The following SIRT3 variants were observed in gnomAD, a reference collection of about 807,000 sequenced individuals.
The protein encoded by SIRT3 is sirtuin 3.
Under a neutral mutation model 33.5 loss-of-function variants are expected in SIRT3, and 26 were observed. That is an observed-to-expected ratio of 0.78 (90% CI 0.57 to 1.08). The LOEUF (loss-of-function observed/expected upper bound fraction) is 1.08. Among genes scored for constraint, SIRT3 ranks in the 50% least tolerant of loss-of-function variants. SIRT3 has a pLI of 0.00. For missense variants in SIRT3, 585 were observed against 530.1 expected (o/e 1.10, Z -1.02); for synonymous variants, 237 against 222.1 (o/e 1.07, Z -0.60).
intron 3 of SIRT3, 110 bp downstream of exon 3, chr11:232,873 G>C (rs1333035901): frequency 9.6e-7 from 1 of 1,038,152 alleles, no homozygotes; most frequent in Non-Finnish European, 1.4e-6. Flanking sequence ...CCCAGAAACA[G>C]GCACCCGAGC....
chr11:222,128 T>G (rs1233063345), intron 5 of SIRT3, among the ~76,000 whole-genome samples: 1 of 152,210 alleles, frequency 6.6e-6, no homozygotes, highest in Non-Finnish European at 1.5e-5. Context: ...CAGCCCACAC[T>G]GTGCTGACCA....
Position 224,006 on chromosome 11 carries a change from CAT to C in SIRT3, c.969+70_969+71del, listed in dbSNP as rs1268113652. The C allele has an allele frequency of 3.3e-5, 30 of 896,248 alleles. 1 individual carries two copies. Among genetic ancestry groups the C allele is most frequent in the Non-Finnish European group, 3.5e-5 (20 of 566,014 alleles). The allele number at this position is 896,248 out of a possible 1,614,324, so 55.5% of individuals were successfully genotyped here. ...TCCCTGCACAGGCCTGCCGACAGCC[CAT>C]GAGATGACTCCTGTACCCCTCCCTT... On this transcript the variant is annotated intron_variant, in intron 5 of 6. Transcript: ENST00000382743.
chr11:229,126 A>G (rs1412788505), intron 4 of SIRT3, among the ~76,000 whole-genome samples: 1 of 152,260 alleles, frequency 6.6e-6, no homozygotes, highest in Non-Finnish European at 1.5e-5. Context: ...AAAATGGTCC[A>G]GCTTCTGCAG....
intron 4 of SIRT3, among the ~76,000 whole-genome samples, chr11:227,794 TG>T (rs1328662754): frequency 1.3e-5 from 2 of 152,082 alleles, no homozygotes; most frequent in Non-Finnish European, 2.9e-5. Flanking sequence ...GGCTAATTTT[TG>T]TATTTTTAGT....
chr11:234,249 T>C (rs513161), intron 1 of SIRT3, among the ~76,000 whole-genome samples: 22,624 of 152,164 alleles, frequency 0.15, 2,098 homozygotes, highest in East Asian at 0.43. Context: ...GGGGCAGGCA[T>C]GGGTGCAACC....
chr11:236,379 C>CGCCCGCGGCGCCCA (rs1374994688), upstream of SIRT3: 1 of 1,178,934 alleles, frequency 8.5e-7, no homozygotes. Flanking sequence ...CCCGGCGCCC[C>CGCCCGCGGCGCCCA]GGCCCCGCCT....
chr11:235,404 G>C (rs371241953), intron 1 of SIRT3, among the ~76,000 whole-genome samples: 14 of 152,008 alleles, frequency 9.2e-5, no homozygotes, highest in African/African-American at 2.9e-4. Flanking sequence ...TGGGGGTCTC[G>C]TTATGTTGCC....
In SIRT3 at chr11:216,492, C is replaced by T. The variant is rs893118314; in HGVS notation, c.*206G>A. On this transcript the variant is annotated 3_prime_UTR_variant, in exon 7 of 7. Coordinates refer to ENST00000382743, the MANE Select transcript of SIRT3 (RefSeq NM_012239.6). ...GCAGGCAGCTCCTTTGTATATGTGA[C>T]GGGGTGGCCCTGACTGTAAACACAG... 8.5e-6 allele frequency: 5 copies of T among 591,514 alleles called. No homozygotes were observed. The highest frequency in any genetic ancestry group is 3.0e-5 in the Admixed American group (1 of 33,064). 36.6% of individuals were successfully genotyped at this position (591,514 alleles called of 1,614,324 possible).
chr11:221,315 T>C (rs143296903), intron 5 of SIRT3, among the ~76,000 whole-genome samples: 1 of 152,368 alleles, frequency 6.6e-6, no homozygotes, highest in Non-Finnish European at 1.5e-5. Context: ...CTGACTATAC[T>C]GCCCAGGCTG....
chr11:219,974 TGATA>T (rs1856203788), intron 5 of SIRT3, among the ~76,000 whole-genome samples: 2 of 152,234 alleles, frequency 1.3e-5, no homozygotes, highest in Admixed American at 6.5e-5. Context: ...TATTGCTAAT[TGATA>T]AACTCATTTA....
intron 4 of SIRT3, among the ~76,000 whole-genome samples, chr11:224,604 T>C (rs1856902086): frequency 6.6e-6 from 1 of 152,146 alleles, no homozygotes; most frequent in Non-Finnish European, 1.5e-5. Flanking sequence ...CCTCAAACAG[T>C]AGTCTGCAGG....
intron 5 of SIRT3, among the ~76,000 whole-genome samples, chr11:220,279 G>T (rs1275608311): frequency 7.1e-6 from 1 of 140,946 alleles, no homozygotes; most frequent in African/African-American, 2.6e-5. Context: ...GCAGTGAGCC[G>T]AGATCGCGCC....
intron 4 of SIRT3, among the ~76,000 whole-genome samples, chr11:226,868 C>T (rs1275777683): frequency 6.6e-6 from 1 of 151,444 alleles, no homozygotes. Context: ...ATTCGCCTGC[C>T]TCAGCCTCCC....
intron 1 of SIRT3, among the ~76,000 whole-genome samples, chr11:234,957 A>G (rs893275060): frequency 1.3e-5 from 2 of 151,392 alleles, no homozygotes; most frequent in Admixed American, 6.6e-5. Flanking sequence ...GGCTCACTGC[A>G]ACCTCTGCCT....
intron 4 of SIRT3, among the ~76,000 whole-genome samples, chr11:228,163 G>A (rs1857425520): frequency 6.6e-6 from 1 of 152,156 alleles, no homozygotes. Flanking sequence ...CATATTTATA[G>A]TAAAATTCGT....
chr11:235,792 G>A (rs897733148), intron 1 of SIRT3, among the ~76,000 whole-genome samples: 1 of 152,130 alleles, frequency 6.6e-6, no homozygotes, highest in Non-Finnish European at 1.5e-5. Flanking sequence ...CAAACAGTGA[G>A]GTGCCAACAA....
intron 6 of SIRT3, among the ~76,000 whole-genome samples, chr11:217,435 G>A (rs1226885753): frequency 6.6e-6 from 1 of 152,248 alleles, no homozygotes; most frequent in Non-Finnish European, 1.5e-5. Flanking sequence ...GGCAACAAGA[G>A]TGAAACTCCA....
At chr11:231,080 G>C (rs756985406) in intron 3 of SIRT3, among the ~76,000 whole-genome samples, 6 of 150,284 alleles carry the variant, frequency 4.0e-5, no homozygotes, top group African/African-American at 1.5e-4. Context: ...AGCTGAGGTC[G>C]TGCCACCGCA....
chr11:221,891 T>G (rs1294653008), intron 5 of SIRT3, among the ~76,000 whole-genome samples: 3 of 109,376 alleles, frequency 2.7e-5, no homozygotes, highest in African/African-American at 7.8e-5. Flanking sequence ...CGTATGCATT[T>G]GTACAAAAAA....
Sources: allele counts gnomAD v4.1 joint callset (sites outside exome capture counted in the v4.1 genomes callset), GRCh38; gene constraint gnomAD v4.1.1; transcripts MANE v1.5; gene names NCBI Gene and HGNC (gene_info 2026-07-23, HGNC 2026-07-21).